Variants in LPP observed in about 807,000 individuals in gnomAD.
LPP encodes LIM domain containing preferred translocation partner in lipoma.
In LPP, 38 loss-of-function variants were observed where a neutral mutation model predicts 60.4. The observed-to-expected ratio is 0.63, with a 90% confidence interval of 0.49 to 0.83. LPP has a LOEUF of 0.83. Among genes scored for constraint, LPP ranks in the 40% least tolerant of loss-of-function variants. The pLI is 0.00. For missense variants in LPP, 902 were observed against 783.6 expected (o/e 1.15, Z -1.80); for synonymous variants, 328 against 290.8 (o/e 1.13, Z -1.30).
chr3:188,325,269 C>T (rs1677442957), intron 2 of LPP, among the ~76,000 whole-genome samples: 1 of 152,220 alleles, frequency 6.6e-6, no homozygotes, highest in Non-Finnish European at 1.5e-5. Flanking sequence ...GTGTGAGCCA[C>T]TGCGCCTGGC....
At chr3:188,772,396 G>A (rs777630251) in intron 9 of LPP, among the ~76,000 whole-genome samples, 3 of 152,156 alleles carry the variant, frequency 2.0e-5, no homozygotes, top group Non-Finnish European at 4.4e-5. Flanking sequence ...CACCACAACT[G>A]GTATTATCAA....
At chr3:188,566,670 T>C (rs1832247432) in intron 6 of LPP, among the ~76,000 whole-genome samples, 1 of 151,880 alleles carries the variant, frequency 6.6e-6, no homozygotes, top group Admixed American at 6.6e-5. Flanking sequence ...CCACTAATCA[T>C]ATACGAGAAG....
chr3:188,856,859 G>A (rs1381316483), intron 9 of LPP, among the ~76,000 whole-genome samples: 4 of 152,140 alleles, frequency 2.6e-5, no homozygotes, highest in Non-Finnish European at 5.9e-5. Context: ...TAGCCAGAAG[G>A]CCCCCATATT....
intron 5 of LPP, among the ~76,000 whole-genome samples, chr3:188,521,519 T>C (rs768245163): frequency 6.6e-5 from 10 of 152,216 alleles, no homozygotes; most frequent in Non-Finnish European, 1.3e-4. Flanking sequence ...GATTAAATCC[T>C]GTCTCTTTAC....
intron 4 of LPP, among the ~76,000 whole-genome samples, chr3:188,445,419 C>T (rs1794995324): frequency 6.6e-6 from 1 of 152,074 alleles, no homozygotes; most frequent in Non-Finnish European, 1.5e-5. Flanking sequence ...TGTTCTCACT[C>T]ATAATTGGGA....
chr3:188,504,173 G>A (rs77256815), intron 5 of LPP, among the ~76,000 whole-genome samples: 1 of 151,912 alleles, frequency 6.6e-6, no homozygotes, highest in African/African-American at 2.4e-5. Flanking sequence ...AATTTACTTT[G>A]ACCTCTCTTC....
chr3:188,280,973 T>C (rs1463137019), intron 2 of LPP, among the ~76,000 whole-genome samples: 1 of 151,232 alleles, frequency 6.6e-6, no homozygotes, highest in Non-Finnish European at 1.5e-5. Context: ...CTTGCTGTGT[T>C]GCCCAGGCTG....
At chr3:188,489,628 T>C (rs1428849488) in intron 5 of LPP, among the ~76,000 whole-genome samples, 3 of 152,202 alleles carry the variant, frequency 2.0e-5, no homozygotes, top group Non-Finnish European at 4.4e-5. Context: ...AGAACTGTTG[T>C]TGGATGCCAA....
intron 9 of LPP, among the ~76,000 whole-genome samples, chr3:188,777,179 C>A (rs543105414): frequency 1.3e-5 from 2 of 152,182 alleles, no homozygotes; most frequent in African/African-American, 4.8e-5. Context: ...TCCTACAAGG[C>A]AAGTGTTATT....
intron 7 of LPP, among the ~76,000 whole-genome samples, chr3:188,641,089 A>C (rs1288367301): frequency 6.6e-6 from 1 of 152,258 alleles, no homozygotes; most frequent in Non-Finnish European, 1.5e-5. Flanking sequence ...AGAAGGTTAA[A>C]TCTAAAGAAG....
At chr3:188,614,503 G>A (rs1435536222) in intron 7 of LPP, among the ~76,000 whole-genome samples, 2 of 152,116 alleles carry the variant, frequency 1.3e-5, no homozygotes, top group African/African-American at 2.4e-5. Context: ...ATTCCTCTTT[G>A]TACAGACTTT....
chr3:188,661,927 T>C (rs1854667497), intron 7 of LPP, among the ~76,000 whole-genome samples: 1 of 152,236 alleles, frequency 6.6e-6, no homozygotes, highest in Non-Finnish European at 1.5e-5. Flanking sequence ...TGATGTTTAG[T>C]TAGTGCTTAA....
chr3:188,496,924 A>T (rs144584211), intron 5 of LPP, among the ~76,000 whole-genome samples: 18 of 152,230 alleles, frequency 1.2e-4, no homozygotes, highest in African/African-American at 4.3e-4. Flanking sequence ...TTACTAATGA[A>T]ATTTAGTAAA....
intron 4 of LPP, among the ~76,000 whole-genome samples, chr3:188,473,045 A>G (rs915035220): frequency 2.0e-5 from 3 of 152,008 alleles, no homozygotes; most frequent in Non-Finnish European, 4.4e-5. Flanking sequence ...TTTTTTTTCC[A>G]TGGTGGAAAA....
chr3:188,784,107 G>A (rs974651018), intron 9 of LPP, among the ~76,000 whole-genome samples: 24 of 150,502 alleles, frequency 1.6e-4, no homozygotes, highest in African/African-American at 3.7e-4. Flanking sequence ...CCCAAAGTCC[G>A]TCGTATCATT....
intron 9 of LPP, among the ~76,000 whole-genome samples, chr3:188,806,803 A>G (rs1178400913): frequency 1.3e-5 from 2 of 151,846 alleles, no homozygotes; most frequent in Non-Finnish European, 2.9e-5. Flanking sequence ...GGACCTTACA[A>G]TTGTTACTCT....
intron 2 of LPP, among the ~76,000 whole-genome samples, chr3:188,231,446 G>A (rs750359275): frequency 1.2e-4 from 18 of 152,182 alleles, no homozygotes; most frequent in Non-Finnish European, 1.3e-4. Context: ...AATAGCACAG[G>A]ATGTAAAGTT....
At chr3:188,334,220 A>G (rs1323047871) in intron 2 of LPP, among the ~76,000 whole-genome samples, 1 of 152,182 alleles carries the variant, frequency 6.6e-6, no homozygotes, top group Non-Finnish European at 1.5e-5. Flanking sequence ...TTATGGCTGA[A>G]TAGTATTACA....
intron 1 of LPP, chr3:188,180,808 T>C (rs1724734647): frequency 6.6e-6 from 1 of 152,118 alleles, no homozygotes; most frequent in African/African-American, 2.4e-5. Context: ...AAGAATTGTT[T>C]GTACATGTAA....
Sources: gnomAD v4.1 joint callset for allele counts (sites outside exome capture counted in the v4.1 genomes callset) on GRCh38, gnomAD v4.1.1 for gene constraint, MANE v1.5 for transcripts, NCBI Gene and HGNC (gene_info 2026-07-23, HGNC 2026-07-21) for gene names.